Variants in RIPK2 observed in about 807,000 individuals in gnomAD.
RIPK2 encodes the protein receptor interacting serine/threonine kinase 2.
RIPK2 carries 38 observed loss-of-function variants against 60.9 expected under a neutral mutation model. The ratio of observed to expected loss-of-function variants is 0.62; its 90% CI spans 0.48 to 0.82. The LOEUF (loss-of-function observed/expected upper bound fraction) is 0.82. Ranked by LOEUF, RIPK2 falls within the 40% of genes least tolerant of loss-of-function variation. RIPK2 has a pLI of 0.00. For missense variants in RIPK2, 518 were observed against 647.0 expected (o/e 0.80, Z 2.16); for synonymous variants, 225 against 223.4 (o/e 1.01, Z -0.06).
In RIPK2 at chr8:89,791,060, G is replaced by A. The variant is rs2130596616; in HGVS notation, c.*644G>A. 1 of 152,246 alleles carries A rather than the reference G, an allele frequency of 6.6e-6. No individual in the cohort carries two copies. The highest frequency in any genetic ancestry group is 1.9e-4 in the East Asian group (1 of 5,194). 9.4% of individuals were successfully genotyped at this position (152,246 alleles called of 1,614,324 possible). ...AGCTAAATAAAGTCAACAGCCTGAT[G>A]TGTATCTTTCTGTCCCTTTCTTCCT... On this transcript the variant is annotated 3_prime_UTR_variant, in exon 11 of 11. Transcript: ENST00000220751.
chr8:89,768,291 A>G (rs1433548804), intron 3 of RIPK2, among the ~76,000 whole-genome samples: 1 of 131,072 alleles, frequency 7.6e-6, no homozygotes, highest in Non-Finnish European at 1.8e-5. Context: ...CAATTGCTTC[A>G]GTCTCTTAAG....
intron 3 of RIPK2, among the ~76,000 whole-genome samples, chr8:89,766,412 T>A (rs1458697766): frequency 6.6e-6 from 1 of 151,856 alleles, no homozygotes; most frequent in African/African-American, 2.4e-5. Context: ...TATCCAACTA[T>A]TTTCCAGAGT....
chr8:89,787,251 G>A (rs1456986002), intron 9 of RIPK2, among the ~76,000 whole-genome samples: 2 of 152,158 alleles, frequency 1.3e-5, no homozygotes, highest in Non-Finnish European at 2.9e-5. Flanking sequence ...AAGGAGAAAT[G>A]TTTCTAAATA....
chr8:89,783,710 T>G (rs575571637), intron 7 of RIPK2, among the ~76,000 whole-genome samples: 30 of 152,292 alleles, frequency 2.0e-4, no homozygotes, highest in African/African-American at 7.0e-4. Flanking sequence ...TCCCAAAAAT[T>G]TATTAAGTAC....
At chr8:89,758,807 A>T (rs922804221) in intron 1 of RIPK2, among the ~76,000 whole-genome samples, 1 of 152,184 alleles carries the variant, frequency 6.6e-6, no homozygotes, top group African/African-American at 2.4e-5. Flanking sequence ...TTATTTGTTT[A>T]TTGATTATAT....
intron 1 of RIPK2, among the ~76,000 whole-genome samples, chr8:89,761,733 G>A (rs1388261112): frequency 2.0e-5 from 3 of 150,986 alleles, no homozygotes; most frequent in African/African-American, 7.3e-5. Context: ...AAAGTTTCCA[G>A]TGTGTATTCT....
At chr8:89,770,082 T>C (rs1809289244) in intron 4 of RIPK2, among the ~76,000 whole-genome samples, 153 bp downstream of exon 4, 1 of 151,888 alleles carries the variant, frequency 6.6e-6, no homozygotes, top group Non-Finnish European at 1.5e-5. Flanking sequence ...GATTAATATT[T>C]TTCAAATTAA....
In RIPK2 at chr8:89,780,442, G is replaced by A. The variant is rs566301875; in HGVS notation, c.939+282G>A. ...ATCCCAGCACTTTGAAGGCCAAGGC[G>A]AGTGAATCACTTGAGCCCAGGAGTT... On this transcript the variant is annotated intron_variant, in intron 7 of 10. Transcript: ENST00000220751. 2.8e-5 allele frequency: 5 copies of A among 178,668 alleles called. No homozygotes were observed. The South Asian group carries it at 4.3e-4, about 15-fold the overall frequency. The allele number at this position is 178,668 out of a possible 1,614,324, so 11.1% of individuals were successfully genotyped here. A position where few individuals can be genotyped will look rare whatever the true frequency, so the allele number is the denominator to read the frequency against.
At chr8:89,777,440 A>G (rs530931481) in intron 6 of RIPK2, among the ~76,000 whole-genome samples, 2 of 152,346 alleles carry the variant, frequency 1.3e-5, no homozygotes, top group South Asian at 4.1e-4. Context: ...TATAATGCTG[A>G]TGAACAATGG....
At chr8:89,788,699 C>T (rs1299245534) in intron 9 of RIPK2, among the ~76,000 whole-genome samples, 1 of 152,022 alleles carries the variant, frequency 6.6e-6, no homozygotes, top group East Asian at 1.9e-4. Flanking sequence ...ATCGCTTGAA[C>T]CTGAGAGGTG....
At chr8:89,779,468 C>T (rs140200873) in intron 6 of RIPK2, among the ~76,000 whole-genome samples, 1,730 of 151,992 alleles carry the variant, frequency 0.011, 38 homozygotes, top group African/African-American at 0.04. Context: ...GTGCCCGCCA[C>T]CACGCCCAGC....
Position 89,772,848 on chromosome 8 carries a change from C to T in RIPK2, c.853+20C>T. The T allele has an allele frequency of 4.0e-6, 6 of 1,518,200 alleles. No homozygotes were observed. The highest frequency in any genetic ancestry group is 4.4e-6 in the Non-Finnish European group (5 of 1,125,406). The allele number at this position is 1,518,200 out of a possible 1,614,324, so 94.0% of individuals were successfully genotyped here. On this transcript the variant is annotated intron_variant, in intron 6 of 10. Transcript: ENST00000220751. ...TCTTAAGTGAGTATATAGTTTTAAC[C>T]TAGACTCTTTGAATTACAGAATTAG...
chr8:89,766,387 AG>A (rs1170094816), intron 3 of RIPK2, among the ~76,000 whole-genome samples: 1 of 151,746 alleles, frequency 6.6e-6, no homozygotes, highest in Non-Finnish European at 1.5e-5. Flanking sequence ...GGGTGTGTTT[AG>A]TTTTTAAAGA....
At chr8:89,779,301 G>A (rs1244847801) in intron 6 of RIPK2, among the ~76,000 whole-genome samples, 1 of 89,038 alleles carries the variant, frequency 1.1e-5, no homozygotes, top group Middle Eastern at 6.4e-3. Context: ...ATTTTTAGGC[G>A]GTTTTTGGGT....
At chr8:89,786,358 CA>C (rs1809586824) in intron 8 of RIPK2, among the ~76,000 whole-genome samples, 1 of 151,856 alleles carries the variant, frequency 6.6e-6, no homozygotes, top group South Asian at 2.1e-4. Flanking sequence ...CCTATAATCC[CA>C]GCTATTAAGG....
chr8:89,774,938 G>T (rs1809373318), intron 6 of RIPK2, among the ~76,000 whole-genome samples: 1 of 152,166 alleles, frequency 6.6e-6, no homozygotes, highest in Non-Finnish European at 1.5e-5. Context: ...GAGGCCAAAT[G>T]AGATAAGCAG....
chr8:89,768,106 G>A (rs192419168), intron 3 of RIPK2, among the ~76,000 whole-genome samples: 357 of 151,694 alleles, frequency 2.4e-3, no homozygotes, highest in Non-Finnish European at 3.5e-3. Context: ...CTTTCCAGGG[G>A]TAGTCATATC....
chr8:89,774,021 G>A (rs569894681), intron 6 of RIPK2, among the ~76,000 whole-genome samples: 6 of 152,052 alleles, frequency 3.9e-5, no homozygotes, highest in African/African-American at 1.4e-4. Context: ...TTGAGGATGT[G>A]TAATAGTGCA....
intron 8 of RIPK2, among the ~76,000 whole-genome samples, chr8:89,786,148 G>A (rs1360017750): frequency 6.6e-6 from 1 of 152,192 alleles, no homozygotes; most frequent in Non-Finnish European, 1.5e-5. Flanking sequence ...ATAGATGTAT[G>A]TGTTTCTTTA....
Sources: gnomAD v4.1 joint callset for allele counts (sites outside exome capture counted in the v4.1 genomes callset) on GRCh38, gnomAD v4.1.1 for gene constraint, MANE v1.5 for transcripts, NCBI Gene and HGNC (gene_info 2026-07-23, HGNC 2026-07-21) for gene names.